MAPK9: variants seen among roughly 807,000 people sequenced by gnomAD.
MAPK9 encodes the protein mitogen-activated protein kinase 9, also known as Jun kinase.
In MAPK9, 30 loss-of-function variants were observed where a neutral mutation model predicts 57.1. The observed-to-expected ratio is 0.53, with a 90% CI of 0.39 to 0.71. The LOEUF is 0.71. Ranked by LOEUF, MAPK9 falls within the 30% of genes least tolerant of loss-of-function variation. The probability of loss-of-function intolerance (pLI) is 0.00; values close to 1 mark genes in which losing one functional copy is unlikely to be tolerated. For synonymous variants in MAPK9, 155 were observed against 177.0 expected, an observed-to-expected ratio of 0.88 and a Z score of 0.99; for missense variants, 362 against 521.0, an observed-to-expected ratio of 0.69 and a Z score of 2.97.
rs1423350740 is a variant in MAPK9, at chr5:180,247,255, T to A, written c.688+184A>T. On this transcript the variant is annotated intron_variant, in intron 7 of 11. Transcript: ENST00000452135. The surrounding 1 kb of genome is among the most constrained non-coding windows in gnomAD (Gnocchi z 4.5). ...TCATCACAGGTAGTCAAGTTAAAAA[T>A]AAAGAATGAAATTGAACCACTTGGC... is the stretch of plus-strand genomic sequence containing the variant. The A allele has an allele frequency of 1.6e-6, 1 of 624,366 alleles. No individual in the cohort carries two copies. Among genetic ancestry groups the A allele is most frequent in the South Asian group, 2.1e-5 (1 of 47,862 alleles). The allele number at this position is 624,366 out of a possible 1,614,324, so 38.7% of individuals were successfully genotyped here. A position where few individuals can be genotyped will look rare whatever the true frequency, so the allele number is the denominator to read the frequency against.
At chr5:180,252,087 TGGGGTCA>T (rs774821858) in intron 5 of MAPK9, among the ~76,000 whole-genome samples, 19 of 151,904 alleles carry the variant, frequency 1.3e-4, no homozygotes, top group African/African-American at 3.4e-4. Context: ...GCAGGGTTCG[TGGGGTCA>T]GGGGTCAGGG....
At chr5:180,290,871 A>G (rs1763167801) in intron 1 of MAPK9, among the ~76,000 whole-genome samples, 1 of 152,254 alleles carries the variant, frequency 6.6e-6, no homozygotes, top group South Asian at 2.1e-4. Flanking sequence ...TGGACAAATC[A>G]GACAGCTACC....
Position 180,247,528 on chromosome 5 carries a change from T to C in MAPK9, c.617-18A>G. 1 of 1,606,700 alleles carries C rather than the reference T, an allele frequency of 6.2e-7. No homozygotes were observed. ...GATATCAACTGAAAATAAAATGAAA[T>C]GATAAAATTATGAAGTGCCATGAAC... On this transcript the variant is annotated intron_variant, in intron 6 of 11. Coordinates refer to ENST00000452135, the MANE Select transcript of MAPK9 (RefSeq NM_002752.5). The surrounding 1 kb of genome is among the most constrained non-coding windows in gnomAD (Gnocchi z 4.5).
At chr5:180,274,450 T>C (rs1293816101) in intron 2 of MAPK9, among the ~76,000 whole-genome samples, 1 of 152,224 alleles carries the variant, frequency 6.6e-6, no homozygotes, top group Non-Finnish European at 1.5e-5. Context: ...TGGGAAGGAC[T>C]GGGCATGCCA....
intron 7 of MAPK9, among the ~76,000 whole-genome samples, chr5:180,243,515 C>T (rs1757820426): frequency 6.6e-6 from 1 of 152,034 alleles, no homozygotes; most frequent in Admixed American, 6.6e-5. Flanking sequence ...GGGAAAGTGA[C>T]ACTGAAACTG....
intron 5 of MAPK9, among the ~76,000 whole-genome samples, chr5:180,260,548 C>T (rs1348785326): frequency 6.6e-6 from 1 of 152,106 alleles, no homozygotes; most frequent in Non-Finnish European, 1.5e-5. Context: ...CTGTTGATTT[C>T]CACCTTATTT....
At position 180,247,259 on chromosome 5, in the gene MAPK9, G is replaced by T. The variant is rs1758201558; in HGVS notation, c.688+180C>A. ...CACAGGTAGTCAAGTTAAAAATAAA[G>T]AATGAAATTGAACCACTTGGCTTGT... On this transcript the variant is annotated intron_variant, in intron 7 of 11. Transcript: ENST00000452135. This position sits in a 1 kb window ranked among gnomAD's most constrained non-coding sequence, Gnocchi z 4.5. 3.2e-6 allele frequency: 2 copies of T among 628,630 alleles called. No homozygotes were observed. Among genetic ancestry groups the T allele is most frequent in the Non-Finnish European group, 5.6e-6 (2 of 360,158 alleles). 38.9% of individuals were successfully genotyped at this position (628,630 alleles called of 1,614,324 possible).
Position 180,292,006 on chromosome 5 carries a change from G to T in MAPK9, c.-206C>A, listed in dbSNP as rs1017209903. 6.3e-5 allele frequency: 10 copies of T among 157,496 alleles called. No homozygotes were observed. Among genetic ancestry groups the T allele is most frequent in the Admixed American group, 4.0e-4 (6 of 15,038 alleles). 9.8% of individuals were successfully genotyped at this position (157,496 alleles called of 1,614,324 possible). The stretch of plus-strand genomic sequence containing the variant: ...CGCCGCCGCCGCCGCCGCAGTGGGT[G>T]TGAGGGGCGCCGGGGCGCTGCGACC... On this transcript the variant is annotated 5_prime_UTR_variant, in exon 1 of 12. Coordinates refer to ENST00000452135, the MANE Select transcript of MAPK9 (RefSeq NM_002752.5).
rs980269728 is a variant in MAPK9 at position 180,278,812 on chromosome 5, G to A, written c.122+1628C>T. On this transcript the variant is annotated intron_variant, in intron 2 of 11. Transcript: ENST00000452135. ...TCTCTCCTTTTTCTCTCTCTCTCTC[G>A]CATGCACACATCAAATTATCTGTCA... is the stretch of plus-strand genomic sequence containing the variant. Among the ~76,000 whole-genome samples the A allele has an allele frequency of 8.1e-5, 12 of 148,378 alleles. No individual in the cohort carries two copies. The East Asian group carries it at 9.9e-4, about 12-fold the overall frequency.
At chr5:180,279,010 T>G (rs1023068504) in intron 2 of MAPK9, among the ~76,000 whole-genome samples, 1 of 149,398 alleles carries the variant, frequency 6.7e-6, no homozygotes, top group Admixed American at 6.8e-5. Context: ...CAGGCTGGAG[T>G]GCAGTGGCGC....
At chr5:180,249,253 G>A (rs546525317) in intron 5 of MAPK9, 115 bp from the exon 6 acceptor site, 251 of 950,960 alleles carry the variant, frequency 2.6e-4, no homozygotes, top group Non-Finnish European at 3.2e-4. Context: ...ACTGAACTCT[G>A]AGATTTGGGA....
intron 10 of MAPK9, among the ~76,000 whole-genome samples, 193 bp from the exon 11 acceptor site, chr5:180,238,596 TTTC>T (rs201761001): frequency 0.17 from 22,629 of 136,824 alleles, 2,028 homozygotes; most frequent in Non-Finnish European, 0.21. Flanking sequence ...TATCTTTTCT[TTTC>T]TTCTTCTTCT....
intron 5 of MAPK9, among the ~76,000 whole-genome samples, chr5:180,261,233 T>G (rs577531559): frequency 8.5e-5 from 13 of 152,306 alleles, no homozygotes; most frequent in Admixed American, 4.6e-4. Flanking sequence ...TGTGGGTCAT[T>G]ATTTAAGAAA....
intron 1 of MAPK9, among the ~76,000 whole-genome samples, chr5:180,285,206 T>C (rs1228956157): frequency 6.6e-6 from 1 of 152,226 alleles, no homozygotes; most frequent in African/African-American, 2.4e-5. Flanking sequence ...ATCCCCGCTC[T>C]GCAAATGAGG....
chr5:180,254,025 G>A (rs1016013321), intron 5 of MAPK9, among the ~76,000 whole-genome samples: 13 of 128,666 alleles, frequency 1.0e-4, no homozygotes, highest in Non-Finnish European at 1.9e-4. Context: ...GGAGTGCAAT[G>A]GCACTATCTC....
At chr5:180,264,732 T>C in intron 4 of MAPK9, 49 bp downstream of exon 4, 1 of 1,482,796 alleles carries the variant, frequency 6.7e-7, no homozygotes, top group Non-Finnish European at 9.0e-7. Context: ...CTTTTCTAGA[T>C]GTTCATTCTT....
At chr5:180,242,941 C>G in intron 7 of MAPK9, 186 bp from the exon 8 acceptor site, 1 of 486,848 alleles carries the variant, frequency 2.1e-6, no homozygotes, top group Non-Finnish European at 3.6e-6. Context: ...AACTCTCACA[C>G]TCTGCATCTT....
chr5:180,267,779 C>T (rs1760789111), intron 3 of MAPK9, among the ~76,000 whole-genome samples: 1 of 151,710 alleles, frequency 6.6e-6, no homozygotes, highest in African/African-American at 2.4e-5. Flanking sequence ...GTGGGAGAAT[C>T]ACAACCTGGG....
chr5:180,242,440 CCTTCGTACCTCAGA>C, intron 8 of MAPK9, 119 bp downstream of exon 8: 1 of 750,358 alleles, frequency 1.3e-6, no homozygotes, highest in Non-Finnish European at 2.1e-6. Context: ...CTCCTCAGTG[CCTTCGTACCTCAGA>C]CTTCAGGCCT....
Sources: allele counts gnomAD v4.1 joint callset (sites outside exome capture counted in the v4.1 genomes callset), GRCh38; gene constraint gnomAD v4.1.1; non-coding constraint Gnocchi (gnomAD v3.1); transcripts MANE v1.5; gene names NCBI Gene and HGNC (gene_info 2026-07-23, HGNC 2026-07-21).